RC3H1: variants seen among roughly 807,000 people sequenced by gnomAD.
The protein encoded by RC3H1 is roquin-1.
Under a neutral mutation model 138.2 loss-of-function variants are expected in RC3H1, and 50 were observed. The observed-to-expected ratio is 0.36, with a 90% CI of 0.29 to 0.46. The LOEUF (loss-of-function observed/expected upper bound fraction) is 0.46. Among genes scored for constraint, RC3H1 ranks in the 20% least tolerant of loss-of-function variants. The pLI, the probability that RC3H1 is intolerant of heterozygous loss-of-function variation, is 1.00. For synonymous variants in RC3H1, 462 were observed against 489.1 expected, an observed-to-expected ratio of 0.94 and a Z score of 0.73; for missense variants, 1,031 against 1,388.1, an observed-to-expected ratio of 0.74 and a Z score of 4.09.
In RC3H1 at chr1:173,936,635, C is replaced by T. The variant is rs1658596357; in HGVS notation, c.*2086G>A. 6.8e-6 allele frequency: 1 copy of T among 147,140 alleles called. No homozygotes were observed. The highest frequency in any genetic ancestry group is 1.5e-5 in the Non-Finnish European group (1 of 67,052). 9.1% of individuals were successfully genotyped at this position (147,140 alleles called of 1,614,324 possible). Reference sequence around the variant, plus strand: ...GACATACAAAAGTTTCTTTCCTTCTCCCAATAAACAATAGGCATTTAAAGT... The same window carrying T: ...GACATACAAAAGTTTCTTTCCTTCTTCCAATAAACAATAGGCATTTAAAGT... On this transcript the variant is annotated 3_prime_UTR_variant, in exon 20 of 20. Transcript: ENST00000367696.
chr1:173,973,400 G>A (rs1027088884), intron 7 of RC3H1, among the ~76,000 whole-genome samples: 1 of 152,032 alleles, frequency 6.6e-6, no homozygotes, highest in African/African-American at 2.4e-5. Flanking sequence ...CCCAGGCATG[G>A]TGGCACGCGC....
At chr1:173,984,660 A>C in intron 2 of RC3H1, 41 bp from the exon 3 acceptor site, 1 of 1,593,466 alleles carries the variant, frequency 6.3e-7, no homozygotes, top group South Asian at 1.1e-5. Flanking sequence ...TGCTCAATTC[A>C]TTAATTGTTT....
chr1:173,935,228 A>C lies in RC3H1; in HGVS notation c.*3493T>G, dbSNP rs943597212. 6.6e-6 allele frequency: 1 copy of C among 152,222 alleles called. No individual in the cohort carries two copies. Among genetic ancestry groups the C allele is most frequent in the Non-Finnish European group, 1.5e-5 (1 of 68,022 alleles). The allele number at this position is 152,222 out of a possible 1,614,324, so 9.4% of individuals were successfully genotyped here. ...CAGTTACTGGACTTATCTTATGACA[A>C]AATTATATATAAATTAGGCAAAAGA... On this transcript the variant is annotated 3_prime_UTR_variant, in exon 20 of 20. Coordinates refer to ENST00000367696, the MANE Select transcript of RC3H1 (RefSeq NM_172071.4).
intron 14 of RC3H1, among the ~76,000 whole-genome samples, chr1:173,950,894 G>T (rs1307873497): frequency 1.1e-4 from 16 of 151,776 alleles, no homozygotes; most frequent in Admixed American, 1.1e-3. Flanking sequence ...AAATTAGCTG[G>T]GTGTGGTAGC....
chr1:173,969,242 G>A (rs1448095241), intron 9 of RC3H1: 1 of 150,716 alleles, frequency 6.6e-6, no homozygotes, highest in East Asian at 1.9e-4. Context: ...TAATTATATT[G>A]TACTACTTTT....
intron 3 of RC3H1, among the ~76,000 whole-genome samples, chr1:173,984,067 C>T (rs1660926300): frequency 6.6e-6 from 1 of 152,190 alleles, no homozygotes; most frequent in Admixed American, 6.5e-5. Context: ...GTAATGGCAA[C>T]TTCCGTATTC....
At chr1:173,983,142 G>A (rs1439879275) in intron 4 of RC3H1, 5 of 475,872 alleles carry the variant, frequency 1.1e-5, no homozygotes, top group Non-Finnish European at 1.8e-5. Flanking sequence ...CTATCAAAAT[G>A]AATGAACTTC....
Position 173,938,773 on chromosome 1 carries a change from C to T in RC3H1, c.3350G>A (p.Gly1117Glu). Residue 1117 changes from glycine (G) to glutamate (E), a missense_variant, in exon 20 of 20, where the codon GGG becomes GAG. Physicochemically the swap from Gly to Glu is moderately conservative, Grantham distance 98. This residue lies in a region of RC3H1 where 716 missense variants were observed against 837.9 expected (regional missense o/e 0.85). Coordinates refer to ENST00000367696, the MANE Select transcript of RC3H1 (RefSeq NM_172071.4). The stretch of plus-strand genomic sequence containing the variant: ...TGATCTCTGGGAGTCATTATTATCC[C>T]CTCCTCCCTCAGGGTCCTCTGACAG... ...LNLSEDPEGGGDNNDSQRSGV... is the reference protein window; with the variant it reads ...LNLSEDPEGGEDNNDSQRSGV... 1 of 1,613,148 alleles carries T rather than the reference C, an allele frequency of 6.2e-7. No homozygotes were observed. Among genetic ancestry groups the T allele is most frequent in the Non-Finnish European group, 8.5e-7 (1 of 1,179,278 alleles).
At chr1:173,952,387 T>C (rs1229763695) in intron 13 of RC3H1, among the ~76,000 whole-genome samples, 1 of 123,676 alleles carries the variant, frequency 8.1e-6, no homozygotes, top group Admixed American at 7.8e-5. Context: ...TTTTTTTTTT[T>C]ACCTTAGCAG....
chr1:173,943,672 A>C lies in RC3H1; in HGVS notation c.2962-57T>G, dbSNP rs1459676328. On this transcript the variant is annotated intron_variant, in intron 17 of 19. Transcript: ENST00000367696. ...CAACACACTTCACACCATGCACAGA[A>C]TAACCAGGCTCAATTCCAGACCACA... 4 of 1,508,034 alleles carry C rather than the reference A, an allele frequency of 2.7e-6. No individual in the cohort carries two copies. The African/African-American group carries it at 5.5e-5, about 21-fold the overall frequency. 93.4% of individuals were successfully genotyped at this position (1,508,034 alleles called of 1,614,324 possible).
At chr1:173,991,717 A>G (rs1661292612) in intron 2 of RC3H1, among the ~76,000 whole-genome samples, 1 of 152,222 alleles carries the variant, frequency 6.6e-6, no homozygotes, top group Non-Finnish European at 1.5e-5. Context: ...TGAGATGATC[A>G]TATGTGTGCA....
chr1:174,009,745 C>T lies in RC3H1; in HGVS notation c.-151+12351G>A, dbSNP rs183754291. Among the ~76,000 whole-genome samples the T allele has an allele frequency of 3.2e-4, 48 of 152,080 alleles. 1 individual carries two copies. The East Asian group carries it at 9.1e-3, about 29-fold the overall frequency. On this transcript the variant is annotated intron_variant, in intron 1 of 19. Transcript: ENST00000367696. ...CTCAGCTACTTGGAAGGCTGAGGCA[C>T]GAGAATCACTTGAACCCGGGAGGCA... is the stretch of plus-strand genomic sequence containing the variant.
chr1:173,963,511 T>G (rs1659968499), intron 11 of RC3H1, among the ~76,000 whole-genome samples: 1 of 152,168 alleles, frequency 6.6e-6, no homozygotes, highest in African/African-American at 2.4e-5. Context: ...GTAAACTCTC[T>G]AAAGGTGTGT....
chr1:173,938,696 A>C lies in RC3H1; in HGVS notation c.*25T>G. On this transcript the variant is annotated 3_prime_UTR_variant, in exon 20 of 20. Transcript: ENST00000367696. ...GCCCGACAAACTGATTAGGAGCAGA[A>C]GATAAAAGTAGGACTCCTCATATTT... 6.4e-7 allele frequency: 1 copy of C among 1,558,794 alleles called. No individual in the cohort carries two copies. The highest frequency in any genetic ancestry group is 1.4e-5 in the African/African-American group (1 of 73,212).
At chr1:173,939,955 A>G (rs1658773934) in intron 19 of RC3H1, among the ~76,000 whole-genome samples, 1 of 152,240 alleles carries the variant, frequency 6.6e-6, no homozygotes, top group South Asian at 2.1e-4. Context: ...AGGACTATGC[A>G]TTCAAAAGCC....
At chr1:173,980,329 C>T (rs575845699) in intron 6 of RC3H1, among the ~76,000 whole-genome samples, 22 of 149,390 alleles carry the variant, frequency 1.5e-4, no homozygotes, top group Admixed American at 1.1e-3. Flanking sequence ...TGAGAATGGT[C>T]AAGTTCAAAT....
At position 173,943,567 on chromosome 1, in the gene RC3H1, C is replaced by T. The variant is rs770930864; in HGVS notation, c.3010G>A (p.Gly1004Ser). 3.7e-6 allele frequency: 6 copies of T among 1,614,086 alleles called. No individual in the cohort carries two copies. The South Asian group carries it at 5.5e-5, about 15-fold the overall frequency. ...VLQREANTLAGQSQPPPPPPP... is the reference protein window; with the variant it reads ...VLQREANTLASQSQPPPPPPP... ...GGCGGTGGTGGGGGCTGTGACTGGC[C>T]TGCCAGGGTGTTTGCCTCCCTCTGC... The change falls in exon 18 of 20, where the codon GGC becomes AGC. Residue 1004 changes from glycine (G) to serine (S), a missense_variant. Physicochemically the swap from Gly to Ser is moderately conservative, Grantham distance 56. Coordinates refer to ENST00000367696, the MANE Select transcript of RC3H1 (RefSeq NM_172071.4).
At chr1:174,008,977 A>G (rs1458860491) in intron 1 of RC3H1, among the ~76,000 whole-genome samples, 3 of 68,964 alleles carry the variant, frequency 4.4e-5, no homozygotes, top group African/African-American at 2.2e-4. Context: ...ACTTTGTCTG[A>G]AAAAAAAAAA....
chr1:173,968,962 G>A (rs941658481), intron 9 of RC3H1, among the ~76,000 whole-genome samples: 7 of 150,090 alleles, frequency 4.7e-5, no homozygotes, highest in South Asian at 2.1e-4. Flanking sequence ...GGGTTCAAGC[G>A]ATTCTCCTGC....
Sources: allele counts gnomAD v4.1 joint callset (sites outside exome capture counted in the v4.1 genomes callset), GRCh38; gene constraint gnomAD v4.1.1; regional missense constraint gnomAD v4.1.1; transcripts MANE v1.5; gene names NCBI Gene and HGNC (gene_info 2026-07-23, HGNC 2026-07-21).